Variants in CCNY observed in about 807,000 individuals in gnomAD.
The protein encoded by CCNY is cyclin Y.
Under a neutral mutation model 42.8 loss-of-function variants are expected in CCNY, and 19 were observed. That is an observed-to-expected ratio of 0.44 (90% CI 0.31 to 0.65). CCNY has a LOEUF of 0.65. CCNY is among the 30% of genes least tolerant of loss of function. The pLI is 0.07. For synonymous variants in CCNY, 165 were observed against 162.7 expected, an observed-to-expected ratio of 1.01 and a Z score of -0.11; for missense variants, 370 against 437.3, an observed-to-expected ratio of 0.85 and a Z score of 1.37.
chr10:35,278,833 A>C (rs1051487177), intron 3 of CCNY, among the ~76,000 whole-genome samples: 1 of 152,156 alleles, frequency 6.6e-6, no homozygotes, highest in African/African-American at 2.4e-5. Flanking sequence ...GGCTGGGTGC[A>C]CTGGCCCCGA....
At chr10:35,566,385 C>A in intron 9 of CCNY, 200 bp downstream of exon 9, 1 of 597,858 alleles carries the variant, frequency 1.7e-6, no homozygotes, top group Non-Finnish European at 2.8e-6. Context: ...CGCTCTGTCA[C>A]CCAGCCTGGA....
chr10:35,535,737 C>T (rs986730030), intron 7 of CCNY, among the ~76,000 whole-genome samples: 10 of 152,016 alleles, frequency 6.6e-5, no homozygotes, highest in African/African-American at 2.2e-4. Context: ...ATTTACCTAG[C>T]GTTTACATTG....
chr10:35,502,587 C>T (rs1440000714), intron 3 of CCNY, among the ~76,000 whole-genome samples: 1 of 152,116 alleles, frequency 6.6e-6, no homozygotes, highest in Non-Finnish European at 1.5e-5. Context: ...AATATATATG[C>T]ACATATACAG....
chr10:35,517,767 C>CA (rs1389296158), intron 4 of CCNY, among the ~76,000 whole-genome samples: 6 of 152,238 alleles, frequency 3.9e-5, no homozygotes, highest in African/African-American at 1.4e-4. Context: ...CATAAACTCA[C>CA]ACTGGCAGCA....
intron 3 of CCNY, among the ~76,000 whole-genome samples, chr10:35,309,762 T>C (rs971356797): frequency 2.0e-4 from 31 of 152,040 alleles, no homozygotes; most frequent in African/African-American, 7.0e-4. Context: ...TGATACATGA[T>C]AGTTATACAT....
At chr10:35,411,214 T>C (rs1837896380) in intron 1 of CCNY, among the ~76,000 whole-genome samples, 1 of 152,114 alleles carries the variant, frequency 6.6e-6, no homozygotes, top group African/African-American at 2.4e-5. Flanking sequence ...CTTGGTATGT[T>C]AGATTTAGCA....
At chr10:35,314,070 C>T (rs1483858974) in intron 3 of CCNY, among the ~76,000 whole-genome samples, 1 of 149,708 alleles carries the variant, frequency 6.7e-6, no homozygotes, top group Admixed American at 6.7e-5. Context: ...AAACATTCAT[C>T]TTAGAAAACT....
chr10:35,487,053 T>A (rs1788868690), intron 2 of CCNY, among the ~76,000 whole-genome samples: 1 of 152,234 alleles, frequency 6.6e-6, no homozygotes, highest in African/African-American at 2.4e-5. Flanking sequence ...TGATATTGGA[T>A]GTCAGTATTC....
chr10:35,445,277 C>T (rs1838765823), intron 1 of CCNY, among the ~76,000 whole-genome samples: 2 of 152,160 alleles, frequency 1.3e-5, no homozygotes, highest in African/African-American at 2.4e-5. Context: ...CATGCTGCCG[C>T]CCTGCTCTTC....
rs779550725 is a variant in CCNY at position 35,501,548 on chromosome 10, G to A, written c.264+13G>A. ...CTTCATTAACCATGTAAGTGAAGCT[G>A]TCTCCCTGTGTTCTTCATAATGACT... On this transcript the variant is annotated intron_variant, in intron 3 of 9. Transcript: ENST00000374704. 6.2e-7 allele frequency: 1 copy of A among 1,610,390 alleles called. No homozygotes were observed. The highest frequency in any genetic ancestry group is 1.1e-5 in the South Asian group (1 of 91,026).
chr10:35,376,699 C>G (rs2135184826), intron 1 of CCNY, among the ~76,000 whole-genome samples: 2 of 152,236 alleles, frequency 1.3e-5, no homozygotes, highest in Middle Eastern at 3.4e-3. Context: ...GATGCTCAGC[C>G]TGTATTATTT....
rs2135418723 is a variant in CCNY, at chr10:35,526,019, C to G, written c.401+20C>G. 1 of 1,598,508 alleles carries G rather than the reference C, an allele frequency of 6.3e-7. No individual in the cohort carries two copies. Among genetic ancestry groups the G allele is most frequent in the South Asian group, 1.1e-5 (1 of 89,824 alleles). On this transcript the variant is annotated intron_variant, in intron 5 of 9. Coordinates refer to ENST00000374704, the MANE Select transcript of CCNY (RefSeq NM_145012.6). Reference sequence around the variant, plus strand: ...AAACAGGTATGTGGATGGTTGTGTGCTAAAAACATCATACGTTATCTTCTG... The same window carrying G: ...AAACAGGTATGTGGATGGTTGTGTGGTAAAAACATCATACGTTATCTTCTG...
At chr10:35,346,399 C>T (rs1204961013) in intron 1 of CCNY, among the ~76,000 whole-genome samples, 2 of 152,130 alleles carry the variant, frequency 1.3e-5, no homozygotes, top group Non-Finnish European at 1.5e-5. Context: ...TGTGCTAAAG[C>T]TAAAATTGAG....
chr10:35,533,815 A>C (rs915660026), intron 7 of CCNY, among the ~76,000 whole-genome samples: 2 of 152,236 alleles, frequency 1.3e-5, no homozygotes. Context: ...GTTTACTACA[A>C]TACGACCAAC....
chr10:35,501,579 G>GAGCTAAAATA (rs764909812), intron 3 of CCNY, 44 bp downstream of exon 3: 2 of 1,541,016 alleles, frequency 1.3e-6, no homozygotes, highest in Non-Finnish European at 1.8e-6. Context: ...TGACTGTACA[G>GAGCTAAAATA]TGTAAAGAGC....
Position 35,553,177 on chromosome 10 carries a change from G to A in CCNY, c.738G>A (p.Val246=). ...GCCAGATCCTGAAAGACATCACGGTGGAGGACATGTGAGTTGGGGGGCAGA... is the reference window on the plus strand; with the variant it reads ...GCCAGATCCTGAAAGACATCACGGTAGAGGACATGTGAGTTGGGGGGCAGA... The part of the protein sequence containing the change: ...DYCQILKDIT[V]EDMNELERQF... The change falls in exon 8 of 10, where the codon GTG becomes GTA. Residue 246 remains valine, a synonymous_variant. Coordinates refer to ENST00000374704, the MANE Select transcript of CCNY (RefSeq NM_145012.6). 1 of 1,613,894 alleles carries A rather than the reference G, an allele frequency of 6.2e-7. No homozygotes were observed. The highest frequency in any genetic ancestry group is 8.5e-7 in the Non-Finnish European group (1 of 1,179,762).
In CCNY at chr10:35,336,972, G is replaced by T. The variant is rs1836050830; in HGVS notation, c.-82G>T. The T allele has an allele frequency of 8.6e-7, 1 of 1,157,286 alleles. No individual in the cohort carries two copies. The allele number at this position is 1,157,286 out of a possible 1,614,324, so 71.7% of individuals were successfully genotyped here. On this transcript the variant is annotated 5_prime_UTR_variant, in exon 1 of 10. Coordinates refer to ENST00000374704, the MANE Select transcript of CCNY (RefSeq NM_145012.6). ...GCGGGCCTCCCCACACGCCCCCGCC[G>T]CCCGCGCCCCGCGTCCACCCGCGCC...
At position 35,571,293 on chromosome 10, in the gene CCNY, T is replaced by C. The variant is rs1236887147; in HGVS notation, c.*2123T>C. On this transcript the variant is annotated 3_prime_UTR_variant, in exon 10 of 10. Coordinates refer to ENST00000374704, the MANE Select transcript of CCNY (RefSeq NM_145012.6). Reference sequence around the variant, plus strand: ...AAATATTTCAATGCATCTGCTATTATTTTGTGGAGTTTATTAAACTACTTT... The same window carrying C: ...AAATATTTCAATGCATCTGCTATTACTTTGTGGAGTTTATTAAACTACTTT... The C allele has an allele frequency of 2.6e-5, 4 of 152,302 alleles. No homozygotes were observed. The highest frequency in any genetic ancestry group is 6.6e-5 in the Admixed American group (1 of 15,264). The allele number at this position is 152,302 out of a possible 1,614,324, so 9.4% of individuals were successfully genotyped here.
chr10:35,445,233 C>A (rs1838764613), intron 1 of CCNY, among the ~76,000 whole-genome samples: 1 of 152,114 alleles, frequency 6.6e-6, no homozygotes, highest in African/African-American at 2.4e-5. Flanking sequence ...TGAAGGAGAG[C>A]CTTTAGAGAA....
Sources: gnomAD v4.1 joint callset for allele counts (sites outside exome capture counted in the v4.1 genomes callset) on GRCh38, gnomAD v4.1.1 for gene constraint, MANE v1.5 for transcripts, NCBI Gene and HGNC (gene_info 2026-07-23, HGNC 2026-07-21) for gene names.